Variants in SMARCAL1 observed in about 807,000 individuals in gnomAD.
SMARCAL1 encodes the protein SNF2 related chromatin remodeling annealing helicase 1, also known as ATP-driven annealing helicase.
SMARCAL1 carries 58 observed loss-of-function variants against 94.5 expected under a neutral mutation model. That is an observed-to-expected ratio of 0.61 (90% CI 0.50 to 0.76). The LOEUF (loss-of-function observed/expected upper bound fraction) is 0.76, where lower values mean the gene tolerates loss of function less well. SMARCAL1 is among the 30% of genes least tolerant of loss of function. The pLI, the probability that SMARCAL1 is intolerant of heterozygous loss-of-function variation, is 0.00. For synonymous variants in SMARCAL1, 422 were observed against 455.1 expected, an observed-to-expected ratio of 0.93 and a Z score of 0.93; for missense variants, 1,051 against 1,177.9, an observed-to-expected ratio of 0.89 and a Z score of 1.58.
intron 17 of SMARCAL1, 113 bp downstream of exon 17, chr2:216,478,412 A>AG: frequency 1.3e-6 from 1 of 785,280 alleles, no homozygotes; most frequent in Non-Finnish European, 2.2e-6. Context: ...GACCTCCCCC[A>AG]GCCTAGAGCT....
At position 216,459,800 on chromosome 2, in the gene SMARCAL1, A is replaced by G. The variant is rs1420191678; in HGVS notation, c.2071-4797A>G. ...GCAAGGACTTCATGTCTAAAACACC[A>G]AAAGCAATGGCAACAAAAGCCAAAA... On this transcript the variant is annotated intron_variant, in intron 12 of 17. Coordinates refer to ENST00000357276, the MANE Select transcript of SMARCAL1 (RefSeq NM_014140.4). 3.9e-5 allele frequency among the ~76,000 whole-genome samples: 6 copies of G among 152,196 alleles called. No homozygotes were observed. The East Asian group carries it at 1.2e-3, about 29-fold the overall frequency.
chr2:216,428,867 A>G (rs1693898501), intron 7 of SMARCAL1, 85 bp downstream of exon 7: 7 of 1,249,974 alleles, frequency 5.6e-6, no homozygotes, highest in Non-Finnish European at 7.0e-6. Flanking sequence ...TTCCTGTTTT[A>G]TGAACTTTTA....
At position 216,476,868 on chromosome 2, in the gene SMARCAL1, G is replaced by C. The variant is rs553988684; in HGVS notation, c.2428-241G>C. Among the ~76,000 whole-genome samples, 9 of 152,302 alleles carry C rather than the reference G, an allele frequency of 5.9e-5. No individual in the cohort carries two copies. In the South Asian group the frequency reaches 1.9e-3, roughly 32 times the overall value. ...CTGAACAGCCACCTGCAGATCTTCTGCTTCAGATTCCAGTTCCCCAGCCAG... is the reference window on the plus strand; with the variant it reads ...CTGAACAGCCACCTGCAGATCTTCTCCTTCAGATTCCAGTTCCCCAGCCAG... On this transcript the variant is annotated intron_variant, in intron 15 of 17. Transcript: ENST00000357276.
In SMARCAL1 at chr2:216,475,232, CTG is replaced by C; in HGVS notation, c.2245-35_2245-34del. 6.2e-7 allele frequency: 1 copy of C among 1,612,222 alleles called. No homozygotes were observed. The highest frequency in any genetic ancestry group is 8.5e-7 in the Non-Finnish European group (1 of 1,179,194). On this transcript the variant is annotated intron_variant, in intron 14 of 17. Coordinates refer to ENST00000357276, the MANE Select transcript of SMARCAL1 (RefSeq NM_014140.4). The surrounding 1 kb of genome is among the most constrained non-coding windows in gnomAD (Gnocchi z 4.4). Reference sequence around the variant, plus strand: ...GTGGTTTGCTGAGAAGCCCCCGGGGCTGTTGCCCACCTTGCTTCTGCCCCTTG... The same window carrying C: ...GTGGTTTGCTGAGAAGCCCCCGGGGCTTGCCCACCTTGCTTCTGCCCCTTG...
At chr2:216,427,606 A>G (rs1187088942) in intron 6 of SMARCAL1, among the ~76,000 whole-genome samples, 1 of 152,260 alleles carries the variant, frequency 6.6e-6, no homozygotes, top group Non-Finnish European at 1.5e-5. Flanking sequence ...GTTTTGTATT[A>G]ATGCCATCAA....
At chr2:216,422,367 CAAA>C in intron 5 of SMARCAL1, among the ~76,000 whole-genome samples, 1 of 151,956 alleles carries the variant, frequency 6.6e-6, no homozygotes, top group East Asian at 1.9e-4. Flanking sequence ...GTGACAATCT[CAAA>C]AATAAAAAAG....
intron 7 of SMARCAL1, among the ~76,000 whole-genome samples, chr2:216,429,407 T>A (rs977442827): frequency 5.3e-5 from 8 of 152,162 alleles, no homozygotes; most frequent in Non-Finnish European, 1.2e-4. Context: ...GTGGCAGTTC[T>A]CCAAAAGAAA....
At chr2:216,440,717 G>T (rs554502143) in intron 10 of SMARCAL1, among the ~76,000 whole-genome samples, 1 of 152,158 alleles carries the variant, frequency 6.6e-6, no homozygotes, top group Non-Finnish European at 1.5e-5. Flanking sequence ...CTGTCTTATT[G>T]TATTTTCGTC....
chr2:216,417,457 T>C (rs1392794028), intron 4 of SMARCAL1, among the ~76,000 whole-genome samples: 1 of 152,238 alleles, frequency 6.6e-6, no homozygotes, highest in East Asian at 1.9e-4. Context: ...GTCTTCTCTC[T>C]GTGTCCTTGT....
chr2:216,449,636 A>G (rs1694400107), intron 11 of SMARCAL1, among the ~76,000 whole-genome samples: 2 of 152,240 alleles, frequency 1.3e-5, no homozygotes, highest in South Asian at 4.1e-4. Flanking sequence ...TGTCTCCACT[A>G]TTATGCTAGG....
chr2:216,479,186 T>G (rs1325689788), intron 17 of SMARCAL1: 1 of 152,274 alleles, frequency 6.6e-6, no homozygotes, highest in East Asian at 1.9e-4. Flanking sequence ...CAGGAGAGTT[T>G]GAACCAGGTC....
Position 216,432,802 on chromosome 2 carries a change from C to G in SMARCAL1, c.1419C>G (p.Ala473=). ...CCATCCAAGCCATCTGCATCGCAGCCTTTTACCGGAAGGAGTGGCCGCTCC... is the reference window on the plus strand; with the variant it reads ...CCATCCAAGCCATCTGCATCGCAGCGTTTTACCGGAAGGAGTGGCCGCTCC... ...GKTIQAICIA[A]FYRKEWPLLV... Residue 473 remains alanine, a synonymous_variant, in exon 8 of 18, where the codon GCC becomes GCG. Transcript: ENST00000357276. 6.2e-7 allele frequency: 1 copy of G among 1,614,232 alleles called. No individual in the cohort carries two copies. The highest frequency in any genetic ancestry group is 8.5e-7 in the Non-Finnish European group (1 of 1,180,052).
At chr2:216,449,324 T>G (rs543979528) in intron 11 of SMARCAL1, among the ~76,000 whole-genome samples, 2 of 152,220 alleles carry the variant, frequency 1.3e-5, no homozygotes, top group African/African-American at 2.4e-5. Flanking sequence ...AATTATGATA[T>G]CCACTTGTTC....
intron 12 of SMARCAL1, among the ~76,000 whole-genome samples, chr2:216,458,632 GC>G (rs899974261): frequency 2.7e-4 from 41 of 152,176 alleles, no homozygotes; most frequent in Non-Finnish European, 5.1e-4. Context: ...AAATTTAACA[GC>G]CCTTCATGCT....
At chr2:216,430,170 G>A (rs1400594147) in intron 7 of SMARCAL1, among the ~76,000 whole-genome samples, 1 of 151,966 alleles carries the variant, frequency 6.6e-6, no homozygotes, top group Non-Finnish European at 1.5e-5. Context: ...CTCTCTCTGT[G>A]GCTCTAAAGT....
rs766393568 is a variant in SMARCAL1, at chr2:216,414,754, G to A, written c.50G>A (p.Arg17Gln). The change falls in exon 3 of 18, where the codon CGA becomes CAA. Residue 17 changes from arginine (R) to glutamine (Q), a missense_variant. This residue lies in a region of SMARCAL1 where 398 missense variants were observed against 395.2 expected (regional missense o/e 1.01). Coordinates refer to ENST00000357276, the MANE Select transcript of SMARCAL1 (RefSeq NM_014140.4). Reference sequence around the variant, plus strand: ...CAGAGGAAAAAGATTGAAGAGAATCGACAAAAGGCTCTGGCCCGCAGAGCT... The same window carrying A: ...CAGAGGAAAAAGATTGAAGAGAATCAACAAAAGGCTCTGGCCCGCAGAGCT... The part of the protein sequence containing the change: ...EEQRKKIEEN[R>Q]QKALARRAEK... The A allele has an allele frequency of 1.4e-5, 22 of 1,614,150 alleles. 1 individual carries two copies. The highest frequency in any genetic ancestry group is 1.6e-4 in the Middle Eastern group (1 of 6,062).
At chr2:216,422,263 C>T (rs1693739717) in intron 5 of SMARCAL1, among the ~76,000 whole-genome samples, 1 of 152,076 alleles carries the variant, frequency 6.6e-6, no homozygotes, top group Non-Finnish European at 1.5e-5. Flanking sequence ...TCCTGTAATC[C>T]CAACTACTCA....
chr2:216,473,866 A>C (rs992362910), intron 14 of SMARCAL1, among the ~76,000 whole-genome samples: 5 of 152,202 alleles, frequency 3.3e-5, no homozygotes, highest in African/African-American at 1.2e-4. Flanking sequence ...ATGAAAACTT[A>C]GGTTAACAGA....
intron 8 of SMARCAL1, 74 bp from the exon 9 acceptor site, chr2:216,435,264 G>T: frequency 6.6e-7 from 1 of 1,514,834 alleles, no homozygotes; most frequent in South Asian, 1.1e-5. Flanking sequence ...ATGGGCATGA[G>T]ACTGCTGCTG....
Sources: gnomAD v4.1 joint callset for allele counts (sites outside exome capture counted in the v4.1 genomes callset) on GRCh38, gnomAD v4.1.1 for gene constraint, gnomAD v4.1.1 regional missense constraint, Gnocchi (gnomAD v3.1) non-coding constraint, MANE v1.5 for transcripts, NCBI Gene and HGNC (gene_info 2026-07-23, HGNC 2026-07-21) for gene names.